Variants in MAPKAP1 observed in about 807,000 individuals in gnomAD.
The protein encoded by MAPKAP1 is target of rapamycin complex 2 subunit MAPKAP1.
In MAPKAP1, 20 loss-of-function variants were observed where a neutral mutation model predicts 65.7. That is an observed-to-expected ratio of 0.30 (90% confidence interval 0.21 to 0.44). MAPKAP1 has a LOEUF of 0.44. Ranked by LOEUF, MAPKAP1 falls within the 20% of genes least tolerant of loss-of-function variation. MAPKAP1 has a pLI of 1.00. For synonymous variants in MAPKAP1, 222 were observed against 244.3 expected (o/e 0.91, Z 0.85); for missense variants, 423 against 648.0 (o/e 0.65, Z 3.77).
intron 10 of MAPKAP1, among the ~76,000 whole-genome samples, chr9:125,458,369 T>C (rs1288988244): frequency 2.0e-5 from 3 of 152,080 alleles, no homozygotes; most frequent in Admixed American, 6.5e-5. Context: ...TGCGGCCCTC[T>C]GCAGTGTTTG....
At chr9:125,686,140 C>G (rs553317633) in intron 1 of MAPKAP1, among the ~76,000 whole-genome samples, 57 of 151,996 alleles carry the variant, frequency 3.8e-4, no homozygotes, top group Admixed American at 2.4e-3. Context: ...CACGGTGAAA[C>G]CCCGTCTCTA....
chr9:125,539,612 A>G (rs1375483100), intron 7 of MAPKAP1, among the ~76,000 whole-genome samples: 1 of 152,252 alleles, frequency 6.6e-6, no homozygotes, highest in Non-Finnish European at 1.5e-5. Context: ...TAAGCTTGAC[A>G]GAGGGAGAAC....
chr9:125,494,137 C>T (rs12236442), intron 8 of MAPKAP1, among the ~76,000 whole-genome samples: 2,969 of 152,248 alleles, frequency 0.02, 87 homozygotes, highest in African/African-American at 0.061. Flanking sequence ...TCTTCCTTAG[C>T]GCTCTGCATC....
At chr9:125,640,618 A>G (rs1320816171) in intron 4 of MAPKAP1, among the ~76,000 whole-genome samples, 7 of 152,354 alleles carry the variant, frequency 4.6e-5, no homozygotes, top group African/African-American at 1.7e-4. Context: ...TAATGACCAT[A>G]ATACTATGTA....
chr9:125,547,973 T>G (rs1276988858), intron 6 of MAPKAP1, among the ~76,000 whole-genome samples: 1 of 152,230 alleles, frequency 6.6e-6, no homozygotes, highest in Non-Finnish European at 1.5e-5. Flanking sequence ...CTTTTTGATT[T>G]GCACAATACA....
At chr9:125,535,103 G>A (rs12349424) in intron 7 of MAPKAP1, among the ~76,000 whole-genome samples, 1,567 of 152,238 alleles carry the variant, frequency 0.01, 24 homozygotes, top group African/African-American at 0.036. Context: ...TGGCCTGGTC[G>A]GATCTGGCCC....
At position 125,467,962 on chromosome 9, in the gene MAPKAP1, G is replaced by C; in HGVS notation, c.1345+10C>G. 1 of 1,613,810 alleles carries C rather than the reference G, an allele frequency of 6.2e-7. No individual in the cohort carries two copies. Among genetic ancestry groups the C allele is most frequent in the Non-Finnish European group, 8.5e-7 (1 of 1,179,814 alleles). On this transcript the variant is annotated intron_variant, in intron 10 of 11. Coordinates refer to ENST00000265960, the MANE Select transcript of MAPKAP1 (RefSeq NM_001006617.3). ...AGAGAAAGGAGACATAAATAAAAGG[G>C]ACTACTCACTGGGGCTTTTCTCTTC... is the stretch of plus-strand genomic sequence containing the variant.
chr9:125,606,934 G>T (rs927429049), intron 4 of MAPKAP1, among the ~76,000 whole-genome samples: 1 of 152,152 alleles, frequency 6.6e-6, no homozygotes. Context: ...AAATAAATGC[G>T]CTTTGGATTG....
In MAPKAP1 at chr9:125,664,828, G is replaced by A. The variant is rs1026243200; in HGVS notation, c.349+4990C>T. On this transcript the variant is annotated intron_variant, in intron 3 of 11. Transcript: ENST00000265960. ...GCAGCTCCTTTCTGCCAATGATATG[G>A]GAGGGAGCAGAGCAGAGTAGAAAGA... Among the ~76,000 whole-genome samples the A allele has an allele frequency of 2.6e-5, 4 of 152,088 alleles. No homozygotes were observed. The East Asian group carries it at 5.8e-4, about 22-fold the overall frequency.
intron 8 of MAPKAP1, among the ~76,000 whole-genome samples, chr9:125,491,082 G>A (rs897836312): frequency 6.7e-6 from 1 of 149,980 alleles, no homozygotes; most frequent in African/African-American, 2.5e-5. Context: ...AGGCTGAAGT[G>A]AGAGCTGAGA....
intron 5 of MAPKAP1, among the ~76,000 whole-genome samples, chr9:125,583,021 C>T (rs1338869985): frequency 6.6e-6 from 1 of 152,104 alleles, no homozygotes; most frequent in Admixed American, 6.5e-5. Flanking sequence ...GACAGTAATA[C>T]CCTAAAATAA....
Position 125,595,392 on chromosome 9 carries a change from T to G in MAPKAP1, c.499-9665A>C. The G allele has an allele frequency of 3.5e-6, 1 of 289,822 alleles. No individual in the cohort carries two copies. Among genetic ancestry groups the G allele is most frequent in the Non-Finnish European group, 5.4e-6 (1 of 186,736 alleles). The allele number at this position is 289,822 out of a possible 1,614,324, so 18.0% of individuals were successfully genotyped here. A position where few individuals can be genotyped will look rare whatever the true frequency, so the allele number is the denominator to read the frequency against. ...AACAGATATAGAATTGAAATGTATG[T>G]ATTTGAACATGCTGATGAATTAAAA... On this transcript the variant is annotated intron_variant, in intron 4 of 11. Coordinates refer to ENST00000265960, the MANE Select transcript of MAPKAP1 (RefSeq NM_001006617.3). The surrounding 1 kb of genome is among the most constrained non-coding windows in gnomAD (Gnocchi z 4.0).
At chr9:125,520,476 C>T (rs1339092311) in intron 7 of MAPKAP1, among the ~76,000 whole-genome samples, 1 of 152,184 alleles carries the variant, frequency 6.6e-6, no homozygotes, top group African/African-American at 2.4e-5. Flanking sequence ...TTTGCTCATA[C>T]TAGTCCCTCA....
intron 4 of MAPKAP1, among the ~76,000 whole-genome samples, chr9:125,643,165 G>C (rs1259559726): frequency 2.0e-5 from 3 of 150,716 alleles, no homozygotes; most frequent in Admixed American, 6.6e-5. Flanking sequence ...CTCCCAAAGT[G>C]CTGGGATTAC....
At chr9:125,605,849 T>C (rs1423694476) in intron 4 of MAPKAP1, among the ~76,000 whole-genome samples, 2 of 152,154 alleles carry the variant, frequency 1.3e-5, no homozygotes, top group East Asian at 1.9e-4. Context: ...AATAAGAAAG[T>C]TGGTTGATTT....
In MAPKAP1 at chr9:125,597,125, C is replaced by T. The variant is rs973715937; in HGVS notation, c.499-11398G>A. Among the ~76,000 whole-genome samples the T allele has an allele frequency of 5.3e-5, 8 of 151,692 alleles. No homozygotes were observed. In the South Asian group the frequency reaches 6.3e-4, roughly 12 times the overall value. ...AAACAAATACAAAAAATTAGCCGGG[C>T]GTGGTGGTGGGCGCCTGTAGTCCCA... is the stretch of plus-strand genomic sequence containing the variant. On this transcript the variant is annotated intron_variant, in intron 4 of 11. Coordinates refer to ENST00000265960, the MANE Select transcript of MAPKAP1 (RefSeq NM_001006617.3).
At chr9:125,621,311 A>G (rs1832892387) in intron 4 of MAPKAP1, among the ~76,000 whole-genome samples, 1 of 152,124 alleles carries the variant, frequency 6.6e-6, no homozygotes, top group Non-Finnish European at 1.5e-5. Context: ...CAAAAGTGCT[A>G]TCATTTATTG....
intron 5 of MAPKAP1, among the ~76,000 whole-genome samples, chr9:125,577,779 G>T (rs2793136): frequency 8.1e-3 from 1,036 of 127,184 alleles, no homozygotes; most frequent in Middle Eastern, 0.018. Flanking sequence ...CCCCTCTGCC[G>T]GGCCAGCCGC....
intron 4 of MAPKAP1, among the ~76,000 whole-genome samples, chr9:125,612,280 A>G (rs1401213279): frequency 6.6e-6 from 1 of 152,204 alleles, no homozygotes; most frequent in Admixed American, 6.5e-5. Flanking sequence ...CAGCAGCTAA[A>G]ATCACATTCT....
Sources: allele counts gnomAD v4.1 joint callset (sites outside exome capture counted in the v4.1 genomes callset), GRCh38; gene constraint gnomAD v4.1.1; non-coding constraint Gnocchi (gnomAD v3.1); transcripts MANE v1.5; gene names NCBI Gene and HGNC (gene_info 2026-07-23, HGNC 2026-07-21).